The following ECD variants were observed in gnomAD, a reference collection of about 807,000 sequenced individuals.
ECD encodes protein ecdysoneless homolog.
A neutral mutation model predicts 77.2 loss-of-function variants in ECD; 59 were observed. That is an observed-to-expected ratio of 0.76 (90% confidence interval 0.62 to 0.95). The LOEUF (loss-of-function observed/expected upper bound fraction) is 0.95. Among genes scored for constraint, ECD ranks in the 40% least tolerant of loss-of-function variants. The pLI is 0.00. For synonymous variants in ECD, 233 were observed against 267.4 expected (o/e 0.87, Z 1.26); for missense variants, 704 against 763.4 (o/e 0.92, Z 0.92).
chr10:73,161,673 T>C (rs1454470726), intron 2 of ECD, among the ~76,000 whole-genome samples: 2 of 152,108 alleles, frequency 1.3e-5, no homozygotes, highest in Non-Finnish European at 2.9e-5. Flanking sequence ...GGGAGGGAAT[T>C]CCCAAATTCC....
At position 73,139,338 on chromosome 10, in the gene ECD, G is replaced by A. The variant is rs1371292067; in HGVS notation, c.1392C>T (p.Val464=). 1 of 1,613,942 alleles carries A rather than the reference G, an allele frequency of 6.2e-7. No individual in the cohort carries two copies. The highest frequency in any genetic ancestry group is 8.5e-7 in the Non-Finnish European group (1 of 1,179,978). ...GCAGCTCTGCTCCCTTGTGGGTTGA[G>A]ACTTTGGATATGAAAGCTTTCATGC... ...SESMKAFISK[V]STHKGAELPR... The change falls in exon 11 of 14, where the codon GTC becomes GTT. Residue 464 remains valine (V), a synonymous_variant. Coordinates refer to ENST00000372979, the MANE Select transcript of ECD (RefSeq NM_007265.3).
In ECD at chr10:73,139,737, A is replaced by G. The variant is rs1267760012; in HGVS notation, c.1128T>C (p.Ser376=). ...YFQLSVDWPE[S]SLAMSPGEEI... is the part of the protein sequence containing the mutation. ...CTTCACCAGGGCTCATAGCAAGAGAACTATGAAAAATAAAAAACATGAGTA... is the reference window on the plus strand; with the variant it reads ...CTTCACCAGGGCTCATAGCAAGAGAGCTATGAAAAATAAAAAACATGAGTA... Residue 376 remains serine, a splice_region_variant and synonymous_variant, in exon 10 of 14, where the codon AGT becomes AGC. Coordinates refer to ENST00000372979, the MANE Select transcript of ECD (RefSeq NM_007265.3). 10 of 1,574,010 alleles carry G rather than the reference A, an allele frequency of 6.4e-6. No individual in the cohort carries two copies. The highest frequency in any genetic ancestry group is 8.7e-6 in the Non-Finnish European group (10 of 1,154,976).
intron 7 of ECD, among the ~76,000 whole-genome samples, chr10:73,148,741 T>C (rs899636263): frequency 1.3e-5 from 2 of 152,190 alleles, no homozygotes; most frequent in African/African-American, 4.8e-5. Context: ...AAAAGGTTTC[T>C]TGTCCAACAG....
At chr10:73,152,001 GT>G (rs557760310) in intron 7 of ECD, among the ~76,000 whole-genome samples, 78 of 151,378 alleles carry the variant, frequency 5.2e-4, no homozygotes, top group Non-Finnish European at 9.7e-4. Flanking sequence ...AAGGTTCTTG[GT>G]TTTTTTTCAA....
At chr10:73,164,561 G>C (rs753655621) in intron 1 of ECD, among the ~76,000 whole-genome samples, 15 of 151,764 alleles carry the variant, frequency 9.9e-5, no homozygotes, top group South Asian at 2.1e-4. Context: ...TCCACCTCTT[G>C]GGCTCAAGCC....
intron 11 of ECD, among the ~76,000 whole-genome samples, chr10:73,138,765 C>A (rs1843010402): frequency 6.6e-6 from 1 of 152,164 alleles, no homozygotes; most frequent in African/African-American, 2.4e-5. Flanking sequence ...TAGGGTTTCA[C>A]CATGCTGGCC....
chr10:73,166,514 G>T (rs1843467194), intron 1 of ECD, among the ~76,000 whole-genome samples: 1 of 152,072 alleles, frequency 6.6e-6, no homozygotes, highest in African/African-American at 2.4e-5. Context: ...TTTTAACTGG[G>T]GTGAGATGCT....
rs1481496333 is a variant in ECD at position 73,154,422 on chromosome 10, A to C, written c.617T>G (p.Leu206Arg). The change falls in exon 6 of 14, where the codon CTT becomes CGT. Residue 206 changes from leucine to arginine, a missense_variant. By Grantham distance (102) the Leu-to-Arg change is moderately radical. Transcript: ENST00000372979. ...RGYPEKIQAS[L>R]HRAHCFLPAG... ...TGGAAGGAAGCAGTGTGCTCGATGA[A>C]GTGAGGCCTGAATTTTTTCTGGGTA... 1 of 1,610,918 alleles carries C rather than the reference A, an allele frequency of 6.2e-7. No individual in the cohort carries two copies. The highest frequency in any genetic ancestry group is 8.5e-7 in the Non-Finnish European group (1 of 1,179,108).
Position 73,157,353 on chromosome 10 carries a change from A to G in ECD, c.324-698T>C, listed in dbSNP as rs370585493. On this transcript the variant is annotated intron_variant, in intron 3 of 13. Coordinates refer to ENST00000372979, the MANE Select transcript of ECD (RefSeq NM_007265.3). ...GTGTGAGCCACCACGCCCGGCCCGT[A>G]TCACTTTTTTAAATTTAATTTTTTA... Among the ~76,000 whole-genome samples, 27 of 151,652 alleles carry G rather than the reference A, an allele frequency of 1.8e-4. No individual in the cohort carries two copies. The East Asian group carries it at 1.9e-3, about 11-fold the overall frequency.
At chr10:73,138,497 A>G (rs908253715) in intron 11 of ECD, among the ~76,000 whole-genome samples, 7 of 152,244 alleles carry the variant, frequency 4.6e-5, no homozygotes, top group Non-Finnish European at 7.3e-5. Context: ...ATATAAATTT[A>G]TATCTTTCAT....
At chr10:73,146,594 T>C (rs1419522890) in intron 8 of ECD, among the ~76,000 whole-genome samples, 1 of 152,208 alleles carries the variant, frequency 6.6e-6, no homozygotes, top group Non-Finnish European at 1.5e-5. Flanking sequence ...TAAGGGCCTA[T>C]TTCCAGTTTG....
At chr10:73,163,126 G>C (rs555915203) in intron 2 of ECD, among the ~76,000 whole-genome samples, 1 of 152,074 alleles carries the variant, frequency 6.6e-6, no homozygotes, top group Admixed American at 6.6e-5. Flanking sequence ...TGGTCTCTCC[G>C]CTCCCTCCTA....
At chr10:73,165,815 T>C (rs1363731761) in intron 1 of ECD, among the ~76,000 whole-genome samples, 2 of 152,264 alleles carry the variant, frequency 1.3e-5, no homozygotes, top group Admixed American at 1.3e-4. Flanking sequence ...AAAATTTTTA[T>C]AGCCAGGACA....
Position 73,160,560 on chromosome 10 carries a change from A to G in ECD, c.206-9T>C, listed in dbSNP as rs568180083. The G allele has an allele frequency of 1.3e-5, 20 of 1,578,014 alleles. No individual in the cohort carries two copies. In the Admixed American group the frequency reaches 3.8e-4, roughly 30 times the overall value. ...ATGAGCAGGAACACCTCCTAAAAAC[A>G]AGAGAAAAGCAACCATGTAACCAGA... is the stretch of plus-strand genomic sequence containing the variant. On this transcript the variant is annotated splice_polypyrimidine_tract_variant and intron_variant, in intron 2 of 13. Coordinates refer to ENST00000372979, the MANE Select transcript of ECD (RefSeq NM_007265.3).
In ECD at chr10:73,134,498, A is replaced by T; in HGVS notation, c.*85T>A. The T allele has an allele frequency of 7.8e-7, 1 of 1,274,474 alleles. No individual in the cohort carries two copies. Among genetic ancestry groups the T allele is most frequent in the Non-Finnish European group, 1.1e-6 (1 of 925,732 alleles). The allele number at this position is 1,274,474 out of a possible 1,614,324, so 78.9% of individuals were successfully genotyped here. A position where few individuals can be genotyped will look rare whatever the true frequency, so the allele number is the denominator to read the frequency against. ...AAACTTGTAATGAAGAAACATTTTTACTAAATGAGTAATCTAAACTAGAAA... is the reference window on the plus strand; with the variant it reads ...AAACTTGTAATGAAGAAACATTTTTTCTAAATGAGTAATCTAAACTAGAAA... On this transcript the variant is annotated 3_prime_UTR_variant, in exon 14 of 14. Coordinates refer to ENST00000372979, the MANE Select transcript of ECD (RefSeq NM_007265.3).
At chr10:73,163,033 C>G (rs912277984) in intron 2 of ECD, among the ~76,000 whole-genome samples, 1 of 152,148 alleles carries the variant, frequency 6.6e-6, no homozygotes, top group Non-Finnish European at 1.5e-5. Flanking sequence ...CTAGAGCTGT[C>G]CTGATGCTGC....
At chr10:73,137,328 T>C (rs552227031) in intron 12 of ECD, among the ~76,000 whole-genome samples, 12 of 152,314 alleles carry the variant, frequency 7.9e-5, no homozygotes, top group African/African-American at 2.6e-4. Flanking sequence ...CCAATCTTTC[T>C]CTCTGCAGTT....
intron 6 of ECD, among the ~76,000 whole-genome samples, chr10:73,153,802 G>A (rs577091400): frequency 1.6e-4 from 24 of 150,072 alleles, no homozygotes; most frequent in Admixed American, 2.7e-4. Context: ...ATAAAACATT[G>A]AGTATAAAAT....
intron 3 of ECD, among the ~76,000 whole-genome samples, chr10:73,159,892 G>A (rs1199341606): frequency 5.3e-5 from 8 of 151,024 alleles, no homozygotes; most frequent in Non-Finnish European, 1.2e-4. Flanking sequence ...CGCCTGCCTC[G>A]GCCTCCCAAA....
Sources: allele counts gnomAD v4.1 joint callset (sites outside exome capture counted in the v4.1 genomes callset), GRCh38; gene constraint gnomAD v4.1.1; transcripts MANE v1.5; gene names NCBI Gene and HGNC (gene_info 2026-07-23, HGNC 2026-07-21).